Variants in GATB observed in about 807,000 individuals in gnomAD.
GATB encodes the protein glutamyl-tRNA amidotransferase subunit B, also known as glutamyl-tRNA(Gln) amidotransferase subunit B, mitochondrial.
Under a neutral mutation model 62.3 loss-of-function variants are expected in GATB, and 39 were observed. That is an observed-to-expected ratio of 0.63 (90% CI 0.48 to 0.82). The LOEUF is 0.82. Among genes scored for constraint, GATB ranks in the 40% least tolerant of loss-of-function variants. GATB has a pLI of 0.00. For missense variants in GATB, 670 were observed against 684.0 expected (o/e 0.98, Z 0.23); for synonymous variants, 276 against 258.9 (o/e 1.07, Z -0.63).
chr4:151,719,364 C>A (rs145379563), intron 3 of GATB, 61 bp downstream of exon 3: 7 of 1,220,222 alleles, frequency 5.7e-6, no homozygotes, highest in African/African-American at 1.5e-5. Flanking sequence ...TCCGACCCCC[C>A]ACAGCAGGGC....
intron 11 of GATB, chr4:151,674,306 T>TATC (rs1737950060): frequency 1.3e-5 from 2 of 152,186 alleles, no homozygotes; most frequent in Non-Finnish European, 2.9e-5. Context: ...TCAACATGCT[T>TATC]ATCAGTGGAG....
chr4:151,707,141 G>A (rs1578913660), intron 6 of GATB, among the ~76,000 whole-genome samples: 1 of 152,170 alleles, frequency 6.6e-6, no homozygotes, highest in African/African-American at 2.4e-5. Context: ...TCAAGCCATG[G>A]TCAATCTAAA....
At chr4:151,726,907 GCTAT>G (rs2126983529) in intron 2 of GATB, among the ~76,000 whole-genome samples, 1 of 152,154 alleles carries the variant, frequency 6.6e-6, no homozygotes, top group Admixed American at 6.5e-5. Flanking sequence ...TGGCACTGGG[GCTAT>G]CTCTCTTTTC....
intron 2 of GATB, among the ~76,000 whole-genome samples, chr4:151,756,030 A>G (rs1206436999): frequency 6.6e-6 from 1 of 152,240 alleles, no homozygotes; most frequent in Non-Finnish European, 1.5e-5. Flanking sequence ...TGAGAGCCAA[A>G]GAATAGGGCA....
chr4:151,705,744 A>G (rs918986620), intron 6 of GATB, among the ~76,000 whole-genome samples: 2 of 152,228 alleles, frequency 1.3e-5, no homozygotes, highest in Non-Finnish European at 2.9e-5. Context: ...CACGACCCCA[A>G]ATGATTAAGA....
intron 2 of GATB, among the ~76,000 whole-genome samples, chr4:151,738,257 C>T (rs892935856): frequency 6.6e-6 from 1 of 152,148 alleles, no homozygotes; most frequent in Non-Finnish European, 1.5e-5. Flanking sequence ...GGATGTGAGA[C>T]GTGGAGTCAA....
chr4:151,707,637 G>A (rs1409292166), intron 6 of GATB, among the ~76,000 whole-genome samples: 2 of 152,154 alleles, frequency 1.3e-5, no homozygotes, highest in African/African-American at 2.4e-5. Flanking sequence ...CACTGTGTGA[G>A]GTCTACAGCT....
intron 2 of GATB, among the ~76,000 whole-genome samples, chr4:151,733,211 T>C (rs1739303583): frequency 1.3e-5 from 2 of 152,060 alleles, no homozygotes; most frequent in African/African-American, 2.4e-5. Flanking sequence ...ATAAAATTGA[T>C]AGACCATTAA....
chr4:151,672,281 C>T (rs1227768692), intron 12 of GATB, among the ~76,000 whole-genome samples: 1 of 152,150 alleles, frequency 6.6e-6, no homozygotes, highest in Non-Finnish European at 1.5e-5. Context: ...GGGATTTTCT[C>T]CACAATTTAT....
intron 2 of GATB, among the ~76,000 whole-genome samples, chr4:151,739,663 C>G (rs112207656): frequency 0.013 from 2,029 of 152,334 alleles, 42 homozygotes; most frequent in African/African-American, 0.046. Context: ...CATGATGTGA[C>G]ACTGGCTTCA....
At chr4:151,728,816 T>TATTGCC (rs1739188432) in intron 2 of GATB, among the ~76,000 whole-genome samples, 1 of 152,234 alleles carries the variant, frequency 6.6e-6, no homozygotes, top group African/African-American at 2.4e-5. Flanking sequence ...AAGATTTGAC[T>TATTGCC]ATTGCTAAGA....
In GATB at chr4:151,718,733, A is replaced by G. The variant is rs556352513; in HGVS notation, c.441+692T>C. On this transcript the variant is annotated intron_variant, in intron 3 of 12. Transcript: ENST00000263985. ...GTTGTTTTTCTGAATCAGACCAAAC[A>G]AAACATTATTTTGGGAAACCCATTC... Among the ~76,000 whole-genome samples the G allele has an allele frequency of 1.3e-4, 20 of 152,378 alleles. No individual in the cohort carries two copies. In the East Asian group the frequency reaches 3.9e-3, roughly 29 times the overall value.
intron 10 of GATB, among the ~76,000 whole-genome samples, chr4:151,685,823 T>A (rs4696108): frequency 2.6e-5 from 4 of 151,990 alleles, no homozygotes; most frequent in East Asian, 1.9e-4. Context: ...CAAGGCGGGC[T>A]GATCACTTGA....
intron 2 of GATB, among the ~76,000 whole-genome samples, chr4:151,729,280 A>T (rs192017249): frequency 3.7e-4 from 56 of 152,290 alleles, no homozygotes; most frequent in African/African-American, 1.3e-3. Flanking sequence ...TGTCAATGTC[A>T]TGAAGAAAGG....
intron 2 of GATB, among the ~76,000 whole-genome samples, chr4:151,747,402 C>G (rs2126996466): frequency 6.6e-6 from 1 of 152,322 alleles, no homozygotes; most frequent in Admixed American, 6.5e-5. Flanking sequence ...AATCTGAGCC[C>G]TTGACCCTGT....
At chr4:151,755,298 TAA>T (rs1739805471) in intron 2 of GATB, among the ~76,000 whole-genome samples, 2 of 152,216 alleles carry the variant, frequency 1.3e-5, no homozygotes, top group South Asian at 2.1e-4. Flanking sequence ...CCTATGTCAC[TAA>T]AAGTCTATTA....
At chr4:151,696,550 T>C (rs1228407944) in intron 9 of GATB, among the ~76,000 whole-genome samples, 2 of 152,196 alleles carry the variant, frequency 1.3e-5, no homozygotes, top group African/African-American at 4.8e-5. Context: ...ATGATCTGAA[T>C]GTGGCTCCAA....
At chr4:151,695,930 ATTTTTTTT>A (rs57028979) in intron 9 of GATB, among the ~76,000 whole-genome samples, 13 of 122,844 alleles carry the variant, frequency 1.1e-4, no homozygotes, top group Middle Eastern at 4.5e-3. Context: ...GCTAATTTAA[ATTTTTTTT>A]TTTTTTTTTT....
At chr4:151,748,557 C>G (rs542807521) in intron 2 of GATB, among the ~76,000 whole-genome samples, 1 of 152,208 alleles carries the variant, frequency 6.6e-6, no homozygotes, top group South Asian at 2.1e-4. Context: ...ACCATAAAAA[C>G]CCTAGAAGAA....
Sources: gnomAD v4.1 joint callset for allele counts (sites outside exome capture counted in the v4.1 genomes callset) on GRCh38, gnomAD v4.1.1 for gene constraint, MANE v1.5 for transcripts, NCBI Gene and HGNC (gene_info 2026-07-23, HGNC 2026-07-21) for gene names.